Variants in DNAH7 observed in about 807,000 individuals in gnomAD.
The protein encoded by DNAH7 is axonemal beta dynein heavy chain 7.
DNAH7 carries 397 observed loss-of-function variants against 444.6 expected under a neutral mutation model. The ratio of observed to expected loss-of-function variants is 0.89; its 90% CI spans 0.82 to 0.97. DNAH7 has a LOEUF of 0.97. Among genes scored for constraint, DNAH7 ranks in the 50% least tolerant of loss-of-function variants. The pLI is 0.00. For missense variants in DNAH7, 4,902 were observed against 4,800.8 expected (o/e 1.02, Z -0.62); for synonymous variants, 1,636 against 1,624.4 (o/e 1.01, Z -0.17).
intron 15 of DNAH7, among the ~76,000 whole-genome samples, chr2:195,973,880 G>C (rs975782487): frequency 6.6e-6 from 1 of 152,022 alleles, no homozygotes; most frequent in African/African-American, 2.4e-5. Flanking sequence ...CTGAGGTCAA[G>C]AGTTCAAAAC....
rs1698900393 is a variant in DNAH7, at chr2:195,844,984, G to GA, written c.8945+17dup. On this transcript the variant is annotated intron_variant, in intron 47 of 64. Coordinates refer to ENST00000312428, the MANE Select transcript of DNAH7 (RefSeq NM_018897.3). ...GTTATTTAATAAAGACCATTTGTGA[G>GA]AAAAATATTTTTCTTACATTATGAT... 6.2e-7 allele frequency: 1 copy of GA among 1,605,328 alleles called. No homozygotes were observed. Among genetic ancestry groups the GA allele is most frequent in the Non-Finnish European group, 8.5e-7 (1 of 1,175,358 alleles).
Position 195,888,999 on chromosome 2 carries a change from G to C in DNAH7, c.5047-18C>G. ...TCTGGAGTCTGTTTCATGCATATGT[G>C]AACAGAGGGCAAAAACGTAATGATG... On this transcript the variant is annotated intron_variant, in intron 31 of 64. Transcript: ENST00000312428. 1.3e-6 allele frequency: 2 copies of C among 1,592,698 alleles called. No individual in the cohort carries two copies. Among genetic ancestry groups the C allele is most frequent in the Non-Finnish European group, 1.7e-6 (2 of 1,172,278 alleles).
intron 48 of DNAH7, among the ~76,000 whole-genome samples, chr2:195,829,939 A>T (rs1362819035): frequency 6.6e-6 from 1 of 152,088 alleles, no homozygotes; most frequent in African/African-American, 2.4e-5. Context: ...CTCACCGGAA[A>T]ATTTTAAATT....
rs150081805 is a variant in DNAH7, at chr2:195,851,736, C to T, written c.8781+1607G>A. Among the ~76,000 whole-genome samples, 1,492 of 152,236 alleles carry T rather than the reference C, an allele frequency of 9.8e-3. 33 individuals carry two copies. The highest frequency in any genetic ancestry group is 0.033 in the African/African-American group (1,391 of 41,530). The stretch of plus-strand genomic sequence containing the variant: ...GATTCTGCTAGTGCACTGGGTAGTG[C>T]TAATACACTTTCTGCTGAGCTCTGG... On this transcript the variant is annotated intron_variant, in intron 46 of 64. Coordinates refer to ENST00000312428, the MANE Select transcript of DNAH7 (RefSeq NM_018897.3).
intron 61 of DNAH7, 136 bp downstream of exon 61, chr2:195,771,524 A>C: frequency 1.5e-6 from 1 of 675,770 alleles, no homozygotes; most frequent in South Asian, 1.9e-5. Context: ...CAAGGGCAAG[A>C]ATTATTTTCT....
rs1700726686 is a variant in DNAH7 at position 195,871,940 on chromosome 2, A to AAAC, written c.6633+309_6633+310insGTT. Among the ~76,000 whole-genome samples, 2 of 72,504 alleles carry AAAC rather than the reference A, an allele frequency of 2.8e-5. 1 individual carries two copies. Among genetic ancestry groups the AAAC allele is most frequent in the African/African-American group, 3.6e-4 (2 of 5,562 alleles). 47.6% of individuals were successfully genotyped at this position (72,504 alleles called of 152,430 possible). A position where few individuals can be genotyped will look rare whatever the true frequency, so the allele number is the denominator to read the frequency against. Reference sequence around the variant, plus strand: ...AGCGAGACTCCGTCTCAAAAAAAAAAAAAAAAAAAAAAAAAAAAAAAAAAA... The same window carrying AAAC: ...AGCGAGACTCCGTCTCAAAAAAAAAAAACAAAAAAAAAAAAAAAAAAAAAAAAA... On this transcript the variant is annotated intron_variant, in intron 40 of 64. Coordinates refer to ENST00000312428, the MANE Select transcript of DNAH7 (RefSeq NM_018897.3).
intron 19 of DNAH7, among the ~76,000 whole-genome samples, chr2:195,938,001 A>G (rs1474853076): frequency 2.6e-5 from 4 of 152,130 alleles, no homozygotes; most frequent in African/African-American, 9.7e-5. Context: ...CTAATTAGAT[A>G]TTTTTGGTAT....
chr2:195,875,657 C>T lies in DNAH7; in HGVS notation c.6286+18G>A, dbSNP rs756332678. 6.5e-7 allele frequency: 1 copy of T among 1,539,694 alleles called. No homozygotes were observed. Among genetic ancestry groups the T allele is most frequent in the Non-Finnish European group, 8.7e-7 (1 of 1,144,428 alleles). ...GGAGATTTTTCCATCTTAGTAATCA[C>T]AAACTCAAAAAATGTACCTGGAGGT... On this transcript the variant is annotated intron_variant, in intron 38 of 64. Transcript: ENST00000312428.
intron 15 of DNAH7, among the ~76,000 whole-genome samples, chr2:195,978,582 A>G (rs1188085750): frequency 6.6e-6 from 1 of 152,102 alleles, no homozygotes; most frequent in Non-Finnish European, 1.5e-5. Flanking sequence ...TAACAACAAT[A>G]ACATCAAAAG....
At chr2:195,996,160 C>T (rs1042710423) in intron 12 of DNAH7, among the ~76,000 whole-genome samples, 2 of 152,106 alleles carry the variant, frequency 1.3e-5, no homozygotes, top group African/African-American at 4.8e-5. Context: ...TACTTTTTCA[C>T]GTTGAGGAGA....
Position 195,858,674 on chromosome 2 carries a change from C to T in DNAH7, c.7867G>A (p.Val2623Ile), listed in dbSNP as rs767355901. The T allele has an allele frequency of 9.3e-6, 15 of 1,614,044 alleles. No individual in the cohort carries two copies. In the East Asian group the frequency reaches 2.0e-4, roughly 22 times the overall value. The change falls in exon 43 of 65, where the codon GTT becomes ATT. Residue 2623 changes from valine (V) to isoleucine (I), a missense_variant. Physicochemically the swap from Val to Ile is conservative, Grantham distance 29. Coordinates refer to ENST00000312428, the MANE Select transcript of DNAH7 (RefSeq NM_018897.3). ...TCAATCATTATCATCATTTCATCAA[C>T]CTCTTTGCTAGCAACTTTTAATTGA... ...HPQLKVASKEVDEMMIMIEKE... is the reference protein window; with the variant it reads ...HPQLKVASKEIDEMMIMIEKE...
chr2:195,778,675 C>T (rs932853877), intron 58 of DNAH7, among the ~76,000 whole-genome samples: 52 of 71,202 alleles, frequency 7.3e-4, no homozygotes, highest in African/African-American at 4.3e-3. Flanking sequence ...TATATACACA[C>T]ACACACATAT....
chr2:195,740,406 GGT>G (rs1359282586), intron 64 of DNAH7, among the ~76,000 whole-genome samples: 2 of 151,824 alleles, frequency 1.3e-5, no homozygotes, highest in Non-Finnish European at 2.9e-5. Flanking sequence ...TATTAAATAA[GGT>G]GTCTTTAAAC....
intron 47 of DNAH7, among the ~76,000 whole-genome samples, chr2:195,842,606 C>T (rs900722297): frequency 2.0e-5 from 3 of 152,086 alleles, no homozygotes; most frequent in Non-Finnish European, 2.9e-5. Context: ...ATATTTTCTT[C>T]TTAGTATAGT....
intron 15 of DNAH7, among the ~76,000 whole-genome samples, chr2:195,979,086 G>A (rs1190697875): frequency 2.0e-5 from 3 of 151,888 alleles, no homozygotes; most frequent in Non-Finnish European, 4.4e-5. Flanking sequence ...AATAAACAAA[G>A]AATCATCAGA....
chr2:195,738,986 T>C (rs1363464711), intron 64 of DNAH7, among the ~76,000 whole-genome samples: 2 of 152,200 alleles, frequency 1.3e-5, no homozygotes, highest in African/African-American at 2.4e-5. Context: ...AAGGCAGTTT[T>C]GCAAATACTA....
chr2:195,818,791 C>G (rs558022331), intron 49 of DNAH7, among the ~76,000 whole-genome samples: 1 of 152,240 alleles, frequency 6.6e-6, no homozygotes, highest in South Asian at 2.1e-4. Context: ...CTGTCTTGAC[C>G]TTGGCTTCAT....
intron 19 of DNAH7, among the ~76,000 whole-genome samples, chr2:195,937,203 G>T (rs1397089612): frequency 1.3e-5 from 2 of 152,078 alleles, no homozygotes; most frequent in African/African-American, 4.8e-5. Flanking sequence ...TTATTGTTAT[G>T]AATAATAATA....
chr2:195,861,779 C>A lies in DNAH7; in HGVS notation c.7674G>T (p.Val2558=). ...TTAATTCGAGGTAAGAGGTAGGAGT[C>A]ACATAATTGTATCTTTGAAGTTCAA... ...FFVELQRYNY[V]TPTSYLELIS... Residue 2558 remains valine, a synonymous_variant, in exon 42 of 65, where the codon GTG becomes GTT. Coordinates refer to ENST00000312428, the MANE Select transcript of DNAH7 (RefSeq NM_018897.3). The A allele has an allele frequency of 6.2e-7, 1 of 1,613,614 alleles. No individual in the cohort carries two copies. Among genetic ancestry groups the A allele is most frequent in the South Asian group, 1.1e-5 (1 of 91,028 alleles).
Sources: allele counts gnomAD v4.1 joint callset (sites outside exome capture counted in the v4.1 genomes callset), GRCh38; gene constraint gnomAD v4.1.1; transcripts MANE v1.5; gene names NCBI Gene and HGNC (gene_info 2026-07-23, HGNC 2026-07-21).